DIPK2B: variants seen among roughly 807,000 people sequenced by gnomAD.
The protein encoded by DIPK2B is UPF0672 protein CXorf36.
A neutral mutation model predicts 22.2 loss-of-function variants in DIPK2B; 15 were observed. The ratio of observed to expected loss-of-function variants is 0.68; its 90% CI spans 0.45 to 1.04. DIPK2B has a LOEUF of 1.04. Among genes scored for constraint, DIPK2B ranks in the 50% least tolerant of loss-of-function variants. DIPK2B has a pLI of 0.00. For synonymous variants in DIPK2B, 163 were observed against 153.2 expected (o/e 1.06, Z -0.47); for missense variants, 345 against 348.3 (o/e 0.99, Z 0.08).
chrX:45,173,429 C>T (rs370567637), intron 2 of DIPK2B, among the ~76,000 whole-genome samples: 54 of 110,655 alleles, frequency 4.9e-4, no homozygotes, highest in African/African-American at 1.3e-3. Flanking sequence ...ATGGAGGAGC[C>T]GGTGATGCAT....
intron 1 of DIPK2B, among the ~76,000 whole-genome samples, chrX:45,199,996 G>A (rs1380225019): frequency 1.8e-5 from 2 of 112,142 alleles, no homozygotes; most frequent in Non-Finnish European, 3.8e-5. Flanking sequence ...AAACCGTCCT[G>A]GTTTGAATTC....
rs1556395212 is a variant in DIPK2B, at chrX:45,155,431, A to AAAT, written c.673-1234_673-1233insATT. 1.6e-4 allele frequency among the ~76,000 whole-genome samples: 15 copies of AAAT among 96,389 alleles called. No individual in the cohort carries two copies. The South Asian group carries it at 3.6e-3, about 23-fold the overall frequency. 83.7% of individuals were successfully genotyped at this position (96,389 alleles called of 115,157 possible). On this transcript the variant is annotated intron_variant, in intron 3 of 4. Coordinates refer to ENST00000398000, the MANE Select transcript of DIPK2B (RefSeq NM_176819.4). ...GAGCGTGACTCTGTCTCAAAAAAAA[A>AAAT]ATATATATATATATATATATTTATA... is the stretch of plus-strand genomic sequence containing the variant.
chrX:45,148,474 C>T lies in DIPK2B; in HGVS notation c.*3178G>A, dbSNP rs1283480631. 9.0e-6 allele frequency: 1 copy of T among 110,751 alleles called. No individual in the cohort carries two copies. The highest frequency in any genetic ancestry group is 1.9e-5 in the Non-Finnish European group (1 of 52,909). The allele number at this position is 110,751 out of a possible 1,213,427, so 9.1% of individuals were successfully genotyped here. A position where few individuals can be genotyped will look rare whatever the true frequency, so the allele number is the denominator to read the frequency against. On this transcript the variant is annotated 3_prime_UTR_variant, in exon 5 of 5. Transcript: ENST00000398000. ...TTCTGGTAAGGGCTTCAGGAAGCTT[C>T]CAATCATGGTGGAAGGCGAAGGGGG...
At chrX:45,154,418 C>T (rs2046981926) in intron 3 of DIPK2B, among the ~76,000 whole-genome samples, 1 of 111,129 alleles carries the variant, frequency 9.0e-6, no homozygotes, top group Admixed American at 9.6e-5. Flanking sequence ...CTCTCTATCT[C>T]TGTCCCTCAC....
chrX:45,151,771 G>C lies in DIPK2B; in HGVS notation c.1183C>G (p.Pro395Ala). 25 of 1,211,895 alleles carry C rather than the reference G, an allele frequency of 2.1e-5. No homozygotes were observed. Among genetic ancestry groups the C allele is most frequent in the Non-Finnish European group, 2.7e-5 (24 of 895,465 alleles). Residue 395 changes from proline (P) to alanine (A), a missense_variant, in exon 5 of 5, where the codon CCA becomes GCA. Coordinates refer to ENST00000398000, the MANE Select transcript of DIPK2B (RefSeq NM_176819.4). The part of the protein sequence containing the change: ...ILVQCGDSIR[P>A]DPEVLGAASQ... ...GCGGCCCCAAGGACTTCTGGGTCTGGGCGGATGCTGTCCCCACACTGAACA... is the reference window on the plus strand; with the variant it reads ...GCGGCCCCAAGGACTTCTGGGTCTGCGCGGATGCTGTCCCCACACTGAACA...
At chrX:45,182,150 C>T (rs1201931217) in intron 2 of DIPK2B, among the ~76,000 whole-genome samples, 1 of 109,733 alleles carries the variant, frequency 9.1e-6, no homozygotes, top group Non-Finnish European at 1.9e-5. Context: ...TAATACACAG[C>T]TCACAAAGAG....
intron 2 of DIPK2B, among the ~76,000 whole-genome samples, chrX:45,175,948 G>A (rs1216015204): frequency 9.2e-6 from 1 of 108,252 alleles, no homozygotes; most frequent in African/African-American, 3.4e-5. Context: ...CTGAAGTGGT[G>A]CTTTTCCACC....
Position 45,191,823 on chromosome X carries a change from C to A in DIPK2B, c.426G>T (p.Glu142Asp). The A allele has an allele frequency of 8.2e-7, 1 of 1,212,172 alleles. No individual in the cohort carries two copies. The highest frequency in any genetic ancestry group is 1.1e-6 in the Non-Finnish European group (1 of 895,551). The change falls in exon 2 of 5, where the codon GAG becomes GAT. Residue 142 changes from glutamate (E) to aspartate (D), a missense_variant. By Grantham distance (45) the Glu-to-Asp change is conservative (BLOSUM62 2). Coordinates refer to ENST00000398000, the MANE Select transcript of DIPK2B (RefSeq NM_176819.4). Reference sequence around the variant, plus strand: ...ACCTCTCTGTTTTCCGCAGGACACGCTCAATGCTGCAGGTCTTTGGGGCTG... The same window carrying A: ...ACCTCTCTGTTTTCCGCAGGACACGATCAATGCTGCAGGTCTTTGGGGCTG... The part of the protein sequence containing the change: ...SASAPKTCSI[E>D]RVLRKTERFQ...
In DIPK2B at chrX:45,149,292, G is replaced by T. The variant is rs1422355316; in HGVS notation, c.*2360C>A. On this transcript the variant is annotated 3_prime_UTR_variant, in exon 5 of 5. Transcript: ENST00000398000. Reference sequence around the variant, plus strand: ...GCTGTGGCCTCTCTCCTGGTCTCTGGTCAGGTGGCCAGCTGGGAGGACAGC... The same window carrying T: ...GCTGTGGCCTCTCTCCTGGTCTCTGTTCAGGTGGCCAGCTGGGAGGACAGC... The T allele has an allele frequency of 1.8e-5, 2 of 112,863 alleles. No individual in the cohort carries two copies. Among genetic ancestry groups the T allele is most frequent in the Admixed American group, 9.4e-5 (1 of 10,637 alleles). The allele number at this position is 112,863 out of a possible 1,213,427, so 9.3% of individuals were successfully genotyped here.
At chrX:45,196,708 C>T (rs142220883) in intron 1 of DIPK2B, among the ~76,000 whole-genome samples, 1,314 of 110,714 alleles carry the variant, frequency 0.012, 21 homozygotes, top group African/African-American at 0.041. Context: ...CACCCCCACA[C>T]CCTGCACGCA....
At chrX:45,161,428 G>A (rs2047022510) in intron 2 of DIPK2B, among the ~76,000 whole-genome samples, 1 of 112,184 alleles carries the variant, frequency 8.9e-6, no homozygotes, top group Admixed American at 9.4e-5. Flanking sequence ...TGTAGTCCCA[G>A]CTACTTAGGA....
chrX:45,154,319 CT>C (rs1235034618), intron 3 of DIPK2B, 121 bp from the exon 4 acceptor site: 8 of 572,061 alleles, frequency 1.4e-5, no homozygotes, highest in African/African-American at 3.4e-5. Flanking sequence ...ATCTATCTAT[CT>C]GTCTATCTAT....
chrX:45,190,492 C>T (rs990051339), intron 2 of DIPK2B, among the ~76,000 whole-genome samples: 11 of 111,276 alleles, frequency 9.9e-5, no homozygotes, highest in Admixed American at 8.6e-4. Context: ...ACTATAATGC[C>T]GGGTGGTGAT....
intron 2 of DIPK2B, among the ~76,000 whole-genome samples, chrX:45,175,958 C>T: frequency 9.3e-6 from 1 of 108,106 alleles, no homozygotes; most frequent in Non-Finnish European, 1.9e-5. Flanking sequence ...GCTTTTCCAC[C>T]TCACAATGAA....
At chrX:45,162,288 T>A in intron 2 of DIPK2B, 1 of 617,011 alleles carries the variant, frequency 1.6e-6, no homozygotes, top group East Asian at 1.6e-4. Context: ...TGCATATTCA[T>A]AAGCAAAATA....
intron 2 of DIPK2B, among the ~76,000 whole-genome samples, chrX:45,185,887 C>T (rs1286616896): frequency 2.7e-5 from 3 of 110,694 alleles, no homozygotes. Flanking sequence ...CTCCTGACCT[C>T]GTGATCCGCC....
intron 2 of DIPK2B, among the ~76,000 whole-genome samples, chrX:45,173,727 C>T (rs2047100036): frequency 9.2e-6 from 1 of 108,762 alleles, no homozygotes; most frequent in African/African-American, 3.3e-5. Flanking sequence ...TACACTACCA[C>T]ACCCAGCTAA....
chrX:45,174,698 C>G (rs1163142778), intron 2 of DIPK2B, among the ~76,000 whole-genome samples: 2 of 110,202 alleles, frequency 1.8e-5, no homozygotes, highest in Non-Finnish European at 3.8e-5. Flanking sequence ...ATGGGTTCCT[C>G]AGGGGAGAAG....
chrX:45,185,935 A>G (rs1412010031), intron 2 of DIPK2B, among the ~76,000 whole-genome samples: 1 of 111,415 alleles, frequency 9.0e-6, no homozygotes, highest in Non-Finnish European at 1.9e-5. Flanking sequence ...TACAGGCGTG[A>G]GCCACCGCGC....
Sources: allele counts gnomAD v4.1 joint callset (sites outside exome capture counted in the v4.1 genomes callset), GRCh38; gene constraint gnomAD v4.1.1; transcripts MANE v1.5; gene names NCBI Gene and HGNC (gene_info 2026-07-23, HGNC 2026-07-21).